Variants in QRICH2 observed in about 807,000 individuals in gnomAD.
QRICH2 encodes glutamine-rich protein 2.
QRICH2 carries 119 observed loss-of-function variants against 168.3 expected under a neutral mutation model. That is an observed-to-expected ratio of 0.71 (90% CI 0.61 to 0.82). The LOEUF is 0.82. Ranked by LOEUF, QRICH2 falls within the 40% of genes least tolerant of loss-of-function variation. QRICH2 has a pLI of 0.00. For missense variants in QRICH2, 2,241 were observed against 2,491.6 expected, an observed-to-expected ratio of 0.90 and a Z score of 2.14; for synonymous variants, 894 against 951.2, an observed-to-expected ratio of 0.94 and a Z score of 1.11.
Position 76,307,809 on chromosome 17 carries a change from C to T in QRICH2, c.190G>A (p.Val64Ile). 6 of 1,317,144 alleles carry T rather than the reference C, an allele frequency of 4.6e-6. No homozygotes were observed. The highest frequency in any genetic ancestry group is 3.0e-5 in the East Asian group (1 of 33,620). 81.6% of individuals were successfully genotyped at this position (1,317,144 alleles called of 1,614,324 possible). ...SPEPSRSLQS[V>I]RSSFSIPHLP... ...TGCGGGATGCTGAACGAGCTCCGGA[C>T]GGACTGCAGCGAGCGGCTGGGCTCG... is the stretch of plus-strand genomic sequence containing the variant. The change falls in exon 1 of 19, where the codon GTC (valine) becomes ATC (isoleucine). Residue 64 changes from valine (V) to isoleucine (I), a missense_variant. By Grantham distance (29) the Val-to-Ile change is conservative (BLOSUM62 3). Coordinates refer to ENST00000680821, the MANE Select transcript of QRICH2 (RefSeq NM_001388453.1). The surrounding 1 kb of genome is among the most constrained non-coding windows in gnomAD (Gnocchi z 5.3).
At chr17:76,306,330 G>A (rs148888772) in intron 1 of QRICH2, among the ~76,000 whole-genome samples, 127 of 152,182 alleles carry the variant, frequency 8.3e-4, no homozygotes, top group African/African-American at 2.9e-3. Flanking sequence ...GGGCATGAGC[G>A]GCCAGGGCTC....
rs766772817 is a variant in QRICH2, at chr17:76,282,038, G to T, written c.4089C>A (p.His1363Gln). The T allele has an allele frequency of 2.5e-6, 4 of 1,613,702 alleles. No homozygotes were observed. In the South Asian group the frequency reaches 4.4e-5, roughly 18 times the overall value. ...STLLSMSMAP[H>Q]KAHTLAPGQI... ...GGCCAGGAGCCAAGGTGTGGGCCTTGTGCGGGGCCATGCTCATGGACAGGA... is the reference window on the plus strand; with the variant it reads ...GGCCAGGAGCCAAGGTGTGGGCCTTTTGCGGGGCCATGCTCATGGACAGGA... Residue 1363 changes from histidine (H) to glutamine (Q), a missense_variant, in exon 8 of 19, where the codon CAC becomes CAA. Physicochemically the swap from His to Gln is conservative, Grantham distance 24. This residue lies in a region of QRICH2 where 2,047 missense variants were observed against 2,303.8 expected (regional missense o/e 0.89). Coordinates refer to ENST00000680821, the MANE Select transcript of QRICH2 (RefSeq NM_001388453.1).
intron 15 of QRICH2, 38 bp downstream of exon 15, chr17:76,277,951 G>A (rs1214959164): frequency 1.3e-6 from 2 of 1,596,794 alleles, no homozygotes; most frequent in Admixed American, 1.7e-5. Flanking sequence ...CTGGTCACTG[G>A]GTGCCTGCTC....
chr17:76,274,181 G>A lies in QRICH2; in HGVS notation c.5562C>T (p.Ser1854=), dbSNP rs756495246. Residue 1854 remains serine, a synonymous_variant, in exon 19 of 19, where the codon TCC becomes TCT. Transcript: ENST00000680821. The part of the protein sequence containing the change: ...SQPNTAHPPS[S]AAVANRGLER... ...CCAGCCCCCTGTTTGCCACCGCGGC[G>A]GAGCTGGGCGGGTGGGCTGTGTTCG... 61 of 1,586,396 alleles carry A rather than the reference G, an allele frequency of 3.8e-5. No homozygotes were observed. The highest frequency in any genetic ancestry group is 1.1e-4 in the African/African-American group (8 of 72,744).
rs2143366283 is a variant in QRICH2 at position 76,299,489 on chromosome 17, C to A, written c.705+4926G>T. Among the ~76,000 whole-genome samples, 2 of 152,226 alleles carry A rather than the reference C, an allele frequency of 1.3e-5. 1 individual carries two copies. Among genetic ancestry groups the A allele is most frequent in the South Asian group, 4.2e-4 (2 of 4,788 alleles). On this transcript the variant is annotated intron_variant, in intron 3 of 18. Coordinates refer to ENST00000680821, the MANE Select transcript of QRICH2 (RefSeq NM_001388453.1). ...CGGTGGCTCCAGCCTGTAATCCTAG[C>A]ACTTTGGGAAGCCGAGGCGGGCGGA...
chr17:76,308,735 T>C (rs1477201360), upstream of QRICH2, among the ~76,000 whole-genome samples: 1 of 152,098 alleles, frequency 6.6e-6, no homozygotes, highest in East Asian at 1.9e-4. Context: ...GTCCCTTTTC[T>C]GTGCTGCCAT....
At chr17:76,299,580 T>C (rs529651884) in intron 3 of QRICH2, among the ~76,000 whole-genome samples, 13 of 151,682 alleles carry the variant, frequency 8.6e-5, no homozygotes, top group South Asian at 6.3e-4. Flanking sequence ...CTAGTAAAAA[T>C]ACAAAAATTA....
intron 5 of QRICH2, 148 bp downstream of exon 5, chr17:76,289,844 C>G (rs1354841082): frequency 1.4e-5 from 7 of 511,994 alleles, no homozygotes; most frequent in South Asian, 1.3e-4. Flanking sequence ...CCCAGCTACT[C>G]GGGAGGCTGA....
upstream of QRICH2, among the ~76,000 whole-genome samples, chr17:76,309,305 A>C: frequency 6.6e-6 from 1 of 150,546 alleles, no homozygotes; most frequent in East Asian, 2.0e-4. Context: ...GCAGTGAGCC[A>C]AGATCGCACC....
In QRICH2 at chr17:76,307,486, G is replaced by A. The variant is rs1238517922; in HGVS notation, c.513C>T (p.Ala171=). Residue 171 remains alanine, a synonymous_variant, in exon 1 of 19, where the codon GCC becomes GCT. Coordinates refer to ENST00000680821, the MANE Select transcript of QRICH2 (RefSeq NM_001388453.1). The surrounding 1 kb of genome is among the most constrained non-coding windows in gnomAD (Gnocchi z 5.3). The stretch of plus-strand genomic sequence containing the variant: ...TCACCCTGGCAAAGCTGAGCTCCTC[G>A]GCGGCGTCCTTCATGATACTCCCAG... ...VRTGSIMKDA[A]EELSFARVLL... is the part of the protein sequence containing the mutation. 4 of 1,613,670 alleles carry A rather than the reference G, an allele frequency of 2.5e-6. No homozygotes were observed. Among genetic ancestry groups the A allele is most frequent in the Admixed American group, 1.7e-5 (1 of 59,982 alleles).
At chr17:76,286,287 T>C (rs2070884040) in intron 7 of QRICH2, among the ~76,000 whole-genome samples, 3 of 152,168 alleles carry the variant, frequency 2.0e-5, no homozygotes, top group South Asian at 2.1e-4. Context: ...AATTGTGGCA[T>C]AGACGCAGAA....
chr17:76,279,168 G>GC (rs2070742742), intron 13 of QRICH2, 26 bp from the exon 14 acceptor site: 1 of 1,575,698 alleles, frequency 6.3e-7, no homozygotes, highest in Admixed American at 1.7e-5. Flanking sequence ...GGGAGAAGGG[G>GC]CGGGTCAGAG....
Position 76,292,434 on chromosome 17 carries a change from C to T in QRICH2, c.2293G>A (p.Gly765Ser). ...TGGACCAAACCATGCTGATCTGCAC[C>T]AGGTTGGACCAAACCACGCTGATCT... ...GADQRGLVQP[G>S]ADQHGLVQPG... Residue 765 changes from glycine to serine, a missense_variant, in exon 4 of 19, where the codon GGT (glycine) becomes AGT (serine). This residue lies in a region of QRICH2 where 2,047 missense variants were observed against 2,303.8 expected (regional missense o/e 0.89). Transcript: ENST00000680821. 3.7e-6 allele frequency: 6 copies of T among 1,602,912 alleles called. No homozygotes were observed. Among genetic ancestry groups the T allele is most frequent in the Non-Finnish European group, 5.1e-6 (6 of 1,173,506 alleles).
Position 76,280,048 on chromosome 17 carries a change from G to C in QRICH2, c.4733C>G (p.Ala1578Gly). 1 of 1,612,052 alleles carries C rather than the reference G, an allele frequency of 6.2e-7. No homozygotes were observed. The highest frequency in any genetic ancestry group is 1.3e-5 in the African/African-American group (1 of 74,964). ...CAGGCCTCACCTCCGCATGGCAGCC[G>C]CCTCGTCTGCCTGGTAGAGTGGGGG... ...ERPPLYQADE[A>G]AAMRRQLLAH... Residue 1578 changes from alanine (A) to glycine (G), a missense_variant, in exon 12 of 19, where the codon GCG (alanine) becomes GGG (glycine). Ala to Gly is a moderately conservative substitution (Grantham distance 60, BLOSUM62 0). This residue lies in a region of QRICH2 where 2,047 missense variants were observed against 2,303.8 expected (regional missense o/e 0.89). Coordinates refer to ENST00000680821, the MANE Select transcript of QRICH2 (RefSeq NM_001388453.1). The surrounding 1 kb of genome is among the most constrained non-coding windows in gnomAD (Gnocchi z 7.4).
rs868534137 is a variant in QRICH2 at position 76,308,181 on chromosome 17, C to T, written c.-183G>A. 26 of 985,318 alleles carry T rather than the reference C, an allele frequency of 2.6e-5. No homozygotes were observed. Among genetic ancestry groups the T allele is most frequent in the Middle Eastern group, 5.2e-4 (1 of 1,934 alleles). 61.0% of individuals were successfully genotyped at this position (985,318 alleles called of 1,614,324 possible). A position where few individuals can be genotyped will look rare whatever the true frequency, so the allele number is the denominator to read the frequency against. On this transcript the variant is annotated 5_prime_UTR_variant, in exon 1 of 19. Transcript: ENST00000680821. The stretch of plus-strand genomic sequence containing the variant: ...GGGAATCTGCGCCTCCGCTCCCCGG[C>T]GGGGTCCGCGATGGCCACCCCTCCG...
At chr17:76,274,313 G>A in intron 18 of QRICH2, 53 bp from the exon 19 acceptor site, 8 of 1,541,266 alleles carry the variant, frequency 5.2e-6, no homozygotes, top group South Asian at 2.5e-5. Context: ...GCCCACCAGG[G>A]GTCACCCCAG....
At chr17:76,275,695 T>TCCCC (rs1490619420) in intron 18 of QRICH2, 124 bp downstream of exon 18, 8 of 1,255,260 alleles carry the variant, frequency 6.4e-6, no homozygotes, top group Non-Finnish European at 8.6e-6. Context: ...TCCACACCCA[T>TCCCC]CCCCCCCTTC....
intron 3 of QRICH2, among the ~76,000 whole-genome samples, chr17:76,300,791 C>T (rs141456177): frequency 4.5e-4 from 68 of 152,002 alleles, no homozygotes; most frequent in Non-Finnish European, 9.0e-4. Flanking sequence ...GTGGCTCACG[C>T]CTGTAATCCC....
rs1345867246 is a variant in QRICH2, at chr17:76,307,434, G to A, written c.534+31C>T. The stretch of plus-strand genomic sequence containing the variant: ...GGAGGGCGGCCTGGAGGAGGCAGAC[G>A]GCCTGCGCGTGCCTCCGTGTGCGTG... On this transcript the variant is annotated intron_variant, in intron 1 of 18. Transcript: ENST00000680821. This position sits in a 1 kb window ranked among gnomAD's most constrained non-coding sequence, Gnocchi z 5.3. 1.2e-6 allele frequency: 2 copies of A among 1,611,468 alleles called. No homozygotes were observed. Among genetic ancestry groups the A allele is most frequent in the Admixed American group, 3.3e-5 (2 of 59,974 alleles).
Sources: gnomAD v4.1 joint callset for allele counts (sites outside exome capture counted in the v4.1 genomes callset) on GRCh38, gnomAD v4.1.1 for gene constraint, gnomAD v4.1.1 regional missense constraint, Gnocchi (gnomAD v3.1) non-coding constraint, MANE v1.5 for transcripts, NCBI Gene and HGNC (gene_info 2026-07-23, HGNC 2026-07-21) for gene names.